Variants in SFRP1 observed in about 807,000 individuals in gnomAD.
The protein encoded by SFRP1 is secreted frizzled-related protein 1.
In SFRP1, 9 loss-of-function variants were observed where a neutral mutation model predicts 25.9. That is an observed-to-expected ratio of 0.35 (90% CI 0.21 to 0.61). SFRP1 has a LOEUF of 0.61. Ranked by LOEUF, SFRP1 falls within the 20% of genes least tolerant of loss-of-function variation. SFRP1 has a pLI of 0.78. For synonymous variants in SFRP1, 178 were observed against 174.0 expected (o/e 1.02, Z -0.18); for missense variants, 346 against 418.2 (o/e 0.83, Z 1.51).
At chr8:41,274,584 C>T (rs537342239) in intron 2 of SFRP1, among the ~76,000 whole-genome samples, 3 of 152,124 alleles carry the variant, frequency 2.0e-5, no homozygotes, top group Admixed American at 6.5e-5. Context: ...CAATAAAGAA[C>T]ATCTAAATAT....
At chr8:41,275,332 TA>T (rs33974931) in intron 2 of SFRP1, 87,128 of 244,094 alleles carry the variant, frequency 0.36, 9,631 homozygotes, top group African/African-American at 0.42. Flanking sequence ...AAGGTGCTGT[TA>T]AAAAAAAAAA....
rs1010315169 is a variant in SFRP1, at chr8:41,265,194, G to A, written c.918C>T (p.Cys306=). The change falls in exon 3 of 3, where the codon TGC becomes TGT. Residue 306 remains cysteine, a synonymous_variant. Coordinates refer to ENST00000220772, the MANE Select transcript of SFRP1 (RefSeq NM_003012.5). ...NFMKKMKNHE[C]PTFQSVFK ...ACTTAAACACGGACTGAAAGGTGGG[G>A]CACTCATGGTTTTTCATTTTCTTCA... 6.2e-7 allele frequency: 1 copy of A among 1,612,244 alleles called. No individual in the cohort carries two copies. The highest frequency in any genetic ancestry group is 8.5e-7 in the Non-Finnish European group (1 of 1,179,068).
intron 2 of SFRP1, among the ~76,000 whole-genome samples, chr8:41,286,134 G>A (rs1232049271): frequency 6.6e-6 from 1 of 151,924 alleles, no homozygotes; most frequent in Non-Finnish European, 1.5e-5. Flanking sequence ...GACAGGGATG[G>A]GGACGATGAA....
At chr8:41,273,077 G>A (rs1159034751) in intron 2 of SFRP1, among the ~76,000 whole-genome samples, 1 of 152,202 alleles carries the variant, frequency 6.6e-6, no homozygotes, top group Non-Finnish European at 1.5e-5. Flanking sequence ...GCATGCAAGA[G>A]TAGAATGAAA....
intron 2 of SFRP1, among the ~76,000 whole-genome samples, chr8:41,292,172 AC>A (rs1365828655): frequency 6.6e-5 from 10 of 152,098 alleles, no homozygotes; most frequent in African/African-American, 2.4e-4. Flanking sequence ...CACCTTCCTT[AC>A]CCAGGGCTTA....
At chr8:41,302,975 C>A (rs529955481) in intron 2 of SFRP1, among the ~76,000 whole-genome samples, 4 of 151,756 alleles carry the variant, frequency 2.6e-5, no homozygotes, top group African/African-American at 9.7e-5. Context: ...ATTGAACTCT[C>A]CCCTCCCTGG....
chr8:41,293,016 G>A (rs1043396172), intron 2 of SFRP1, among the ~76,000 whole-genome samples: 2 of 152,168 alleles, frequency 1.3e-5, no homozygotes, highest in South Asian at 2.1e-4. Context: ...CAGCGGCTGC[G>A]GGTTACGTGG....
chr8:41,269,192 C>A (rs1474253083), intron 2 of SFRP1, among the ~76,000 whole-genome samples: 3 of 152,208 alleles, frequency 2.0e-5, no homozygotes, highest in Non-Finnish European at 4.4e-5. Flanking sequence ...AAACTACCAC[C>A]TTGGACCCTG....
chr8:41,301,568 C>T (rs1003284003), intron 2 of SFRP1, among the ~76,000 whole-genome samples: 2 of 152,202 alleles, frequency 1.3e-5, no homozygotes, highest in South Asian at 2.1e-4. Context: ...AGGAGGTCAG[C>T]GCCTCCGTGG....
At chr8:41,266,160 C>T (rs547738938) in intron 2 of SFRP1, among the ~76,000 whole-genome samples, 20 of 150,890 alleles carry the variant, frequency 1.3e-4, no homozygotes, top group African/African-American at 4.4e-4. Flanking sequence ...AGCAAGACTC[C>T]ATCTCAAAAA....
chr8:41,286,533 G>A (rs1803704499), intron 2 of SFRP1, among the ~76,000 whole-genome samples: 1 of 152,174 alleles, frequency 6.6e-6, no homozygotes. Flanking sequence ...CCTGGGCCTG[G>A]ACTTCATTCC....
Position 41,296,873 on chromosome 8 carries a change from G to A in SFRP1, c.622+6588C>T, listed in dbSNP as rs115815647. Among the ~76,000 whole-genome samples, 619 of 152,296 alleles carry A rather than the reference G, an allele frequency of 4.1e-3. 6 individuals are homozygous for A. Among genetic ancestry groups the A allele is most frequent in the African/African-American group, 0.014 (576 of 41,556 alleles). On this transcript the variant is annotated intron_variant, in intron 2 of 2. Transcript: ENST00000220772. ...CAGGCAGTCACAGCTCCCGCATTCA[G>A]CCCTCATCACTGTCTGGAGGCTTCC...
At chr8:41,281,532 G>A (rs905319238) in intron 2 of SFRP1, among the ~76,000 whole-genome samples, 19 of 152,252 alleles carry the variant, frequency 1.2e-4, no homozygotes, top group Admixed American at 1.2e-3. Context: ...TGAGGATGCG[G>A]AGGCAGCTAG....
intron 2 of SFRP1, among the ~76,000 whole-genome samples, chr8:41,267,729 G>A (rs1803454494): frequency 6.6e-6 from 1 of 152,360 alleles, no homozygotes; most frequent in African/African-American, 2.4e-5. Flanking sequence ...CTGAGGCATA[G>A]GGGGTTAAGT....
rs200563837 is a variant in SFRP1, at chr8:41,290,881, C to G, written c.622+12580G>C. On this transcript the variant is annotated intron_variant, in intron 2 of 2. Transcript: ENST00000220772. ...TCTTTGTCTTCTTCTCCTCCTCTTC[C>G]TCGTCTTTTTTTTTTTTTTTTTTTT... is the stretch of plus-strand genomic sequence containing the variant. Among the ~76,000 whole-genome samples, 69 of 66,888 alleles carry G rather than the reference C, an allele frequency of 1.0e-3. 4 individuals are homozygous for G. Among genetic ancestry groups the G allele is most frequent in the South Asian group, 9.7e-3 (14 of 1,442 alleles). The allele number at this position is 66,888 out of a possible 152,430, so 43.9% of individuals were successfully genotyped here.
chr8:41,265,120 G>GGCCCCCCCC lies in SFRP1; in HGVS notation c.*46_*47insGGGGGGGGC. 6.2e-6 allele frequency: 1 copy of GGCCCCCCCC among 160,642 alleles called. No individual in the cohort carries two copies. Among genetic ancestry groups the GGCCCCCCCC allele is most frequent in the Non-Finnish European group, 1.2e-5 (1 of 84,338 alleles). 10.0% of individuals were successfully genotyped at this position (160,642 alleles called of 1,614,324 possible). A position where few individuals can be genotyped will look rare whatever the true frequency, so the allele number is the denominator to read the frequency against. On this transcript the variant is annotated 3_prime_UTR_variant, in exon 3 of 3. Transcript: ENST00000220772. ...GGGTTCCCGGGGCACTGTCCCCCCCGCTCCCACCCCACCCGAGGCTCCCTC... is the reference window on the plus strand; with the variant it reads ...GGGTTCCCGGGGCACTGTCCCCCCCGGCCCCCCCCCTCCCACCCCACCCGAGGCTCCCTC...
chr8:41,279,202 G>A (rs981607781), intron 2 of SFRP1, among the ~76,000 whole-genome samples: 4 of 152,034 alleles, frequency 2.6e-5, no homozygotes, highest in Admixed American at 6.6e-5. Flanking sequence ...CTAAACACAC[G>A]TGGGGCACAC....
intron 2 of SFRP1, among the ~76,000 whole-genome samples, chr8:41,300,315 A>G (rs1456591810): frequency 6.6e-6 from 1 of 152,234 alleles, no homozygotes; most frequent in Non-Finnish European, 1.5e-5. Context: ...GAGGAAATAT[A>G]TAAATGGAAA....
chr8:41,289,305 A>C (rs1803747379), intron 2 of SFRP1, among the ~76,000 whole-genome samples: 1 of 152,224 alleles, frequency 6.6e-6, no homozygotes, highest in African/African-American at 2.4e-5. Flanking sequence ...TCGCTTAAGG[A>C]AACAAGCTCA....
Sources: allele counts gnomAD v4.1 joint callset (sites outside exome capture counted in the v4.1 genomes callset), GRCh38; gene constraint gnomAD v4.1.1; transcripts MANE v1.5; gene names NCBI Gene and HGNC (gene_info 2026-07-23, HGNC 2026-07-21).